The following ZNF704 variants were observed in gnomAD, a reference collection of about 807,000 sequenced individuals.
The protein encoded by ZNF704 is zinc finger protein 704.
A neutral mutation model predicts 44.7 loss-of-function variants in ZNF704; 10 were observed. The ratio of observed to expected loss-of-function variants is 0.22; its 90% CI spans 0.14 to 0.38. The LOEUF (loss-of-function observed/expected upper bound fraction) is 0.38. Among genes scored for constraint, ZNF704 ranks in the 10% least tolerant of loss-of-function variants. The pLI is 1.00. For synonymous variants in ZNF704, 211 were observed against 207.6 expected, an observed-to-expected ratio of 1.02 and a Z score of -0.14; for missense variants, 390 against 545.5, an observed-to-expected ratio of 0.71 and a Z score of 2.84.
chr8:80,634,402 T>G lies in ZNF704; in HGVS notation c.*6964A>C, dbSNP rs560160968. 2.0e-5 allele frequency: 3 copies of G among 152,288 alleles called. No homozygotes were observed. In the East Asian group the frequency reaches 5.8e-4, roughly 29 times the overall value. 9.4% of individuals were successfully genotyped at this position (152,288 alleles called of 1,614,324 possible). A position where few individuals can be genotyped will look rare whatever the true frequency, so the allele number is the denominator to read the frequency against. ...TAGTTGCCCAGATAGTGCCGACATG[T>G]GAGTTTGTGGGGCTGATGGATGAAC... On this transcript the variant is annotated 3_prime_UTR_variant, in exon 9 of 9. Transcript: ENST00000327835.
intron 1 of ZNF704, among the ~76,000 whole-genome samples, chr8:80,826,738 G>C (rs1293516552): frequency 1.3e-5 from 2 of 152,142 alleles, no homozygotes; most frequent in Non-Finnish European, 2.9e-5. Context: ...AAGCAAGTTG[G>C]CTTCATCCCT....
intron 7 of ZNF704, among the ~76,000 whole-genome samples, chr8:80,656,398 C>T (rs562721868): frequency 2.6e-5 from 4 of 152,180 alleles, no homozygotes; most frequent in South Asian, 2.1e-4. Context: ...AAGGGGCCAA[C>T]GGCTCTTAGT....
intron 7 of ZNF704, among the ~76,000 whole-genome samples, chr8:80,645,509 G>C (rs1191780309): frequency 6.6e-6 from 1 of 152,140 alleles, no homozygotes; most frequent in Non-Finnish European, 1.5e-5. Flanking sequence ...GGGCCTGGTG[G>C]GAGGTGTGTG....
intron 2 of ZNF704, among the ~76,000 whole-genome samples, chr8:80,755,557 A>C (rs1205393891): frequency 6.6e-6 from 1 of 152,206 alleles, no homozygotes; most frequent in Admixed American, 6.5e-5. Flanking sequence ...AGTGTCTCTA[A>C]ATCTCTGGTT....
intron 2 of ZNF704, among the ~76,000 whole-genome samples, chr8:80,793,064 T>C (rs553450535): frequency 6.6e-6 from 1 of 152,318 alleles, no homozygotes; most frequent in African/African-American, 2.4e-5. Context: ...ACAACCAAAA[T>C]GTCTACTAGA....
At chr8:80,853,583 T>C (rs942489091) in intron 1 of ZNF704, among the ~76,000 whole-genome samples, 13 of 151,348 alleles carry the variant, frequency 8.6e-5, no homozygotes, top group Non-Finnish European at 1.5e-4. Flanking sequence ...AACGAAACTA[T>C]AGAAATCAAG....
chr8:80,642,255 T>C (rs548572356), intron 8 of ZNF704, among the ~76,000 whole-genome samples: 1 of 152,306 alleles, frequency 6.6e-6, no homozygotes, highest in South Asian at 2.1e-4. Context: ...AATCTCAGTA[T>C]AAAAATTTTT....
intron 2 of ZNF704, among the ~76,000 whole-genome samples, chr8:80,763,345 C>A (rs984458388): frequency 2.6e-5 from 4 of 152,224 alleles, no homozygotes; most frequent in African/African-American, 4.8e-5. Flanking sequence ...TGTTTTCATA[C>A]ATTCTCTGAA....
At chr8:80,790,369 G>C (rs1195828907) in intron 2 of ZNF704, among the ~76,000 whole-genome samples, 1 of 152,066 alleles carries the variant, frequency 6.6e-6, no homozygotes, top group African/African-American at 2.4e-5. Flanking sequence ...GAAGATGAGT[G>C]TTCAGGAAGG....
At chr8:80,732,070 C>T (rs1806591182) in intron 2 of ZNF704, among the ~76,000 whole-genome samples, 2 of 152,298 alleles carry the variant, frequency 1.3e-5, no homozygotes, top group South Asian at 4.1e-4. Context: ...TGGTTTTGCA[C>T]TATTTCACAA....
intron 5 of ZNF704, among the ~76,000 whole-genome samples, chr8:80,667,603 A>T (rs1312714919): frequency 6.6e-6 from 1 of 152,158 alleles, no homozygotes; most frequent in Non-Finnish European, 1.5e-5. Context: ...ACTATGACTG[A>T]TTCTCTAGGG....
At chr8:80,652,781 C>T (rs1817944600) in intron 7 of ZNF704, among the ~76,000 whole-genome samples, 1 of 152,184 alleles carries the variant, frequency 6.6e-6, no homozygotes. Flanking sequence ...CTATTCCAAT[C>T]AACAGAAAAA....
chr8:80,819,882 G>C (rs1393753541), intron 2 of ZNF704, among the ~76,000 whole-genome samples: 3 of 152,158 alleles, frequency 2.0e-5, no homozygotes, highest in Non-Finnish European at 4.4e-5. Context: ...TAATTTTCTA[G>C]AGAAGATACT....
At chr8:80,711,730 C>T (rs1408646238) in intron 2 of ZNF704, among the ~76,000 whole-genome samples, 1 of 152,072 alleles carries the variant, frequency 6.6e-6, no homozygotes, top group African/African-American at 2.4e-5. Flanking sequence ...AAGGGTGGGG[C>T]CACAAAACAC....
chr8:80,650,395 G>C (rs539330417), intron 7 of ZNF704, among the ~76,000 whole-genome samples: 1 of 152,260 alleles, frequency 6.6e-6, no homozygotes, highest in African/African-American at 2.4e-5. Context: ...TCGAACCCAT[G>C]GCAAAGAAGT....
chr8:80,771,179 T>C (rs1304776634), intron 2 of ZNF704, among the ~76,000 whole-genome samples: 1 of 152,218 alleles, frequency 6.6e-6, no homozygotes, highest in Non-Finnish European at 1.5e-5. Context: ...TTGTTTTAAC[T>C]GTTTTACTTT....
chr8:80,692,989 A>G lies in ZNF704; in HGVS notation c.325+15T>C. On this transcript the variant is annotated intron_variant, in intron 3 of 8. Coordinates refer to ENST00000327835, the MANE Select transcript of ZNF704 (RefSeq NM_001033723.3). ...GTCAAGGGGCCCTTCCCTAAGTCCC[A>G]TATCCTGGGCTTACCGTTCGGCCGC... The G allele has an allele frequency of 6.2e-7, 1 of 1,613,256 alleles. No individual in the cohort carries two copies. Among genetic ancestry groups the G allele is most frequent in the African/African-American group, 1.3e-5 (1 of 75,042 alleles).
intron 1 of ZNF704, among the ~76,000 whole-genome samples, chr8:80,839,596 C>T (rs1325943381): frequency 1.3e-5 from 2 of 152,162 alleles, no homozygotes. Context: ...CTTTATAATA[C>T]AGGTCTTACT....
intron 2 of ZNF704, among the ~76,000 whole-genome samples, chr8:80,814,985 T>C (rs1808152638): frequency 6.6e-6 from 1 of 152,180 alleles, no homozygotes; most frequent in Non-Finnish European, 1.5e-5. Flanking sequence ...CCATTGAAAA[T>C]GGGAGCCAAA....
Sources: allele counts gnomAD v4.1 joint callset (sites outside exome capture counted in the v4.1 genomes callset), GRCh38; gene constraint gnomAD v4.1.1; transcripts MANE v1.5; gene names NCBI Gene and HGNC (gene_info 2026-07-23, HGNC 2026-07-21).